Variants in LRCH1 observed in about 807,000 individuals in gnomAD.
LRCH1 encodes the protein leucine-rich repeat and calponin homology domain-containing protein 1.
In LRCH1, 23 loss-of-function variants were observed where a neutral mutation model predicts 94.9. The ratio of observed to expected loss-of-function variants is 0.24; its 90% confidence interval spans 0.17 to 0.34. The LOEUF is 0.34. Among genes scored for constraint, LRCH1 ranks in the 10% least tolerant of loss-of-function variants. The probability of loss-of-function intolerance (pLI) is 1.00; values close to 1 mark genes in which losing one functional copy is unlikely to be tolerated. For synonymous variants in LRCH1, 364 were observed against 354.9 expected (o/e 1.03, Z -0.29); for missense variants, 790 against 945.9 (o/e 0.84, Z 2.16).
At chr13:46,688,078 G>A in intron 6 of LRCH1, 99 bp downstream of exon 6, 1 of 1,223,194 alleles carries the variant, frequency 8.2e-7, no homozygotes, top group South Asian at 2.1e-5. Context: ...AAGTCACCAT[G>A]GTATCTGCAG....
Position 46,681,830 on chromosome 13 carries a change from T to C in LRCH1, c.669T>C (p.Leu223=). 1 of 1,608,530 alleles carries C rather than the reference T, an allele frequency of 6.2e-7. No homozygotes were observed. The highest frequency in any genetic ancestry group is 1.7e-5 in the Admixed American group (1 of 59,946). Residue 223 remains leucine (L), a synonymous_variant, in exon 4 of 20, where the codon CTT becomes CTC. Transcript: ENST00000389797. The stretch of plus-strand genomic sequence containing the variant: ...AACTGAATGTCAGAAGAAATTACCT[T>C]AAAGTTTTACCACAAGGTAAAAAAG... ...LRELNVRRNY[L]KVLPQELVDL...
intron 19 of LRCH1, among the ~76,000 whole-genome samples, chr13:46,735,090 TA>T (rs1386811727): frequency 5.9e-5 from 9 of 152,308 alleles, no homozygotes; most frequent in East Asian, 1.9e-4. Context: ...GAGCATTATT[TA>T]AAACATCTTT....
At chr13:46,638,792 T>A (rs2051123457) in intron 1 of LRCH1, among the ~76,000 whole-genome samples, 1 of 152,258 alleles carries the variant, frequency 6.6e-6, no homozygotes, top group Non-Finnish European at 1.5e-5. Flanking sequence ...AAAGGCTTTT[T>A]TAAATAGGAG....
At chr13:46,716,558 G>C (rs571782829) in intron 16 of LRCH1, among the ~76,000 whole-genome samples, 142 of 152,234 alleles carry the variant, frequency 9.3e-4, no homozygotes, top group African/African-American at 3.3e-3. Context: ...AAACACAATG[G>C]AAAGATACGT....
Position 46,744,625 on chromosome 13 carries a change from T to C in LRCH1, c.*2777T>C. The C allele has an allele frequency of 2.0e-6, 2 of 985,464 alleles. No individual in the cohort carries two copies. The highest frequency in any genetic ancestry group is 2.4e-6 in the Non-Finnish European group (2 of 829,938). 61.0% of individuals were successfully genotyped at this position (985,464 alleles called of 1,614,324 possible). A position where few individuals can be genotyped will look rare whatever the true frequency, so the allele number is the denominator to read the frequency against. ...AGGCACTTGATAGCCTGCTGCTATT[T>C]GTTTGTAAGAAATTAAAACTAGCGC... On this transcript the variant is annotated 3_prime_UTR_variant, in exon 20 of 20. Transcript: ENST00000389797.
At chr13:46,702,471 C>T (rs1871531447) in intron 11 of LRCH1, among the ~76,000 whole-genome samples, 1 of 152,116 alleles carries the variant, frequency 6.6e-6, no homozygotes, top group Non-Finnish European at 1.5e-5. Flanking sequence ...CACCACACTC[C>T]AGCCTGGGTG....
At chr13:46,644,590 C>T (rs1283502615) in intron 1 of LRCH1, among the ~76,000 whole-genome samples, 1 of 152,168 alleles carries the variant, frequency 6.6e-6, no homozygotes, top group Admixed American at 6.5e-5. Context: ...TTTGTATAGC[C>T]AGTGAAAGTG....
At position 46,692,658 on chromosome 13, in the gene LRCH1, G is replaced by A. The variant is rs184064684; in HGVS notation, c.1120+17G>A. On this transcript the variant is annotated intron_variant, in intron 8 of 19. Coordinates refer to ENST00000389797, the MANE Select transcript of LRCH1 (RefSeq NM_001164211.2). ...CCGTTAAAGGTCTGAGAATAAAAAT[G>A]TGGAGAAAGTGCTTGTTTTTCAGTT... 5 of 1,577,082 alleles carry A rather than the reference G, an allele frequency of 3.2e-6. No individual in the cohort carries two copies. Among genetic ancestry groups the A allele is most frequent in the Non-Finnish European group, 4.4e-6 (5 of 1,147,626 alleles).
At chr13:46,568,770 G>T (rs1472285525) in intron 1 of LRCH1, among the ~76,000 whole-genome samples, 3 of 152,150 alleles carry the variant, frequency 2.0e-5, no homozygotes, top group African/African-American at 7.2e-5. Flanking sequence ...GTCTTAGAAT[G>T]GTGAGTACAT....
intron 1 of LRCH1, among the ~76,000 whole-genome samples, chr13:46,639,810 G>A (rs2051137245): frequency 6.6e-6 from 1 of 152,204 alleles, no homozygotes; most frequent in Non-Finnish European, 1.5e-5. Flanking sequence ...GGGGACCAGT[G>A]TCCCTACAGT....
intron 1 of LRCH1, among the ~76,000 whole-genome samples, chr13:46,570,788 G>C (rs1457399582): frequency 1.3e-5 from 2 of 152,194 alleles, no homozygotes; most frequent in African/African-American, 2.4e-5. Context: ...TGAACAGAAT[G>C]GCAGTCACAG....
chr13:46,594,509 A>C (rs529973145), intron 1 of LRCH1, among the ~76,000 whole-genome samples: 1 of 152,218 alleles, frequency 6.6e-6, no homozygotes, highest in African/African-American at 2.4e-5. Flanking sequence ...TTAGACCTCT[A>C]GCCACTGTTG....
intron 2 of LRCH1, among the ~76,000 whole-genome samples, chr13:46,668,589 C>G (rs771068091): frequency 2.6e-5 from 4 of 152,134 alleles, no homozygotes; most frequent in Non-Finnish European, 5.9e-5. Context: ...GTGCTGGTTG[C>G]TTTGGTCCAG....
chr13:46,659,983 C>T (rs1296399596), intron 2 of LRCH1, among the ~76,000 whole-genome samples: 1 of 150,584 alleles, frequency 6.6e-6, no homozygotes, highest in Non-Finnish European at 1.5e-5. Context: ...TTCCACCTTG[C>T]ATGATAAGAT....
intron 10 of LRCH1, 121 bp from the exon 11 acceptor site, chr13:46,701,000 G>C (rs1429864332): frequency 1.5e-6 from 1 of 675,946 alleles, no homozygotes; most frequent in African/African-American, 1.8e-5. Flanking sequence ...CCATAACACT[G>C]AATCTGTCGA....
intron 1 of LRCH1, among the ~76,000 whole-genome samples, chr13:46,591,086 C>A (rs566046363): frequency 6.6e-6 from 1 of 152,190 alleles, no homozygotes; most frequent in East Asian, 1.9e-4. Flanking sequence ...CCCTTCCTGC[C>A]TGGACATTCA....
chr13:46,704,161 G>A (rs1219090033), intron 11 of LRCH1, among the ~76,000 whole-genome samples: 1 of 152,010 alleles, frequency 6.6e-6, no homozygotes, highest in African/African-American at 2.4e-5. Context: ...CAGTTTAATA[G>A]TCATGAAAAG....
intron 1 of LRCH1, among the ~76,000 whole-genome samples, chr13:46,602,118 T>C (rs998907827): frequency 3.4e-4 from 52 of 152,228 alleles, no homozygotes; most frequent in African/African-American, 1.2e-3. Context: ...TCTAGCTTGG[T>C]AACCTTGAGG....
At chr13:46,736,396 AAT>A in intron 19 of LRCH1, among the ~76,000 whole-genome samples, 1 of 152,276 alleles carries the variant, frequency 6.6e-6, no homozygotes, top group South Asian at 2.1e-4. Flanking sequence ...TTACCTTAGG[AAT>A]ATGACACTAA....
Sources: gnomAD v4.1 joint callset for allele counts (sites outside exome capture counted in the v4.1 genomes callset) on GRCh38, gnomAD v4.1.1 for gene constraint, MANE v1.5 for transcripts, NCBI Gene and HGNC (gene_info 2026-07-23, HGNC 2026-07-21) for gene names.